SAMMSON: variants seen among roughly 807,000 people sequenced by gnomAD.
The protein encoded by SAMMSON is long intergenic non-protein coding RNA 1212.
At chr3:70,135,887 A>G (rs886679385) in intron 4 of SAMMSON, among the ~76,000 whole-genome samples, 1 of 150,198 alleles carries the variant, frequency 6.7e-6, no homozygotes, top group Non-Finnish European at 1.5e-5. Flanking sequence ...TCACTTGAGC[A>G]TGTGGCTTAT....
intron 7 of SAMMSON, among the ~76,000 whole-genome samples, chr3:70,353,069 ATATT>A (rs1702804542): frequency 6.6e-6 from 1 of 152,046 alleles, no homozygotes. Context: ...GTTTCACTTT[ATATT>A]TAAAATTTAT....
chr3:70,002,873 G>A (rs1235723739), intron 1 of SAMMSON, among the ~76,000 whole-genome samples: 1 of 152,074 alleles, frequency 6.6e-6, no homozygotes, highest in East Asian at 1.9e-4. Flanking sequence ...AATTGGGTTT[G>A]CTAGTTGTGT....
intron 4 of SAMMSON, among the ~76,000 whole-genome samples, chr3:70,232,557 G>A (rs1468334815): frequency 6.6e-6 from 1 of 151,836 alleles, no homozygotes; most frequent in African/African-American, 2.4e-5. Flanking sequence ...CCGCCACCAC[G>A]CCTGGCTATT....
chr3:70,185,002 G>A lies in SAMMSON; in HGVS notation n.508-64105G>A, dbSNP rs942194722. ...CTTTTTGATTAGGTGTAAACTTGACGTATCCTATTGATGTCTGGGTCTCCA... is the reference window on the plus strand; with the variant it reads ...CTTTTTGATTAGGTGTAAACTTGACATATCCTATTGATGTCTGGGTCTCCA... On this transcript the variant is annotated intron_variant and non_coding_transcript_variant, in intron 4 of 9. Coordinates refer to ENST00000642114, the Ensembl canonical transcript of SAMMSON. Among the ~76,000 whole-genome samples, 7 of 152,164 alleles carry A rather than the reference G, an allele frequency of 4.6e-5. No individual in the cohort carries two copies. In the East Asian group the frequency reaches 5.8e-4, roughly 13 times the overall value.
At chr3:70,337,049 T>A (rs1702667713) in intron 7 of SAMMSON, among the ~76,000 whole-genome samples, 1 of 78,418 alleles carries the variant, frequency 1.3e-5, no homozygotes, top group Admixed American at 1.2e-4. Context: ...TAACTTAATA[T>A]TATTATTATT....
chr3:70,376,630 A>G (rs1703018138), intron 9 of SAMMSON, among the ~76,000 whole-genome samples: 1 of 152,040 alleles, frequency 6.6e-6, no homozygotes, highest in Admixed American at 6.6e-5. Flanking sequence ...TAGGATTTCA[A>G]CTTCACGACC....
intron 2 of SAMMSON, among the ~76,000 whole-genome samples, chr3:70,419,487 G>A (rs1240123130): frequency 1.3e-5 from 2 of 152,080 alleles, no homozygotes; most frequent in Admixed American, 1.3e-4. Flanking sequence ...AGTCTTTGAG[G>A]TAAGTTCTGT....
intron 4 of SAMMSON, among the ~76,000 whole-genome samples, chr3:70,168,404 C>A (rs973282487): frequency 6.6e-6 from 1 of 151,962 alleles, no homozygotes; most frequent in African/African-American, 2.4e-5. Flanking sequence ...GGAAAATCAG[C>A]ACATGGAGCT....
chr3:70,347,972 G>A (rs1266130535), intron 7 of SAMMSON, among the ~76,000 whole-genome samples: 1 of 152,180 alleles, frequency 6.6e-6, no homozygotes, highest in Non-Finnish European at 1.5e-5. Flanking sequence ...GAACCCAGGA[G>A]GCGGAGGTTA....
rs1407187053 is a variant in SAMMSON at position 70,287,927 on chromosome 3, C to T, written n.675-3252C>T. ...ACATCCCCTTTATCATTTTTTATTG[C>T]GTCTATTTGATTCTTCTCTCTTTTT... On this transcript the variant is annotated intron_variant and non_coding_transcript_variant, in intron 6 of 9. Coordinates refer to ENST00000642114, the Ensembl canonical transcript of SAMMSON. Among the ~76,000 whole-genome samples, 52 of 152,130 alleles carry T rather than the reference C, an allele frequency of 3.4e-4. No individual in the cohort carries two copies. The East Asian group carries it at 4.1e-3, about 12-fold the overall frequency.
chr3:70,188,173 T>C (rs141950991), intron 4 of SAMMSON, among the ~76,000 whole-genome samples: 121 of 152,316 alleles, frequency 7.9e-4, no homozygotes, highest in Middle Eastern at 3.4e-3. Context: ...CTTTATTGTC[T>C]TTATAGTAAA....
intron 7 of SAMMSON, among the ~76,000 whole-genome samples, chr3:70,297,534 T>C (rs564160516): frequency 6.6e-6 from 1 of 152,250 alleles, no homozygotes; most frequent in South Asian, 2.1e-4. Flanking sequence ...GAAGGCTTAT[T>C]ATTGCATATG....
In SAMMSON at chr3:70,234,803, A is replaced by G. The variant is rs114252206; in HGVS notation, n.508-14304A>G. On this transcript the variant is annotated intron_variant and non_coding_transcript_variant, in intron 4 of 9. Transcript: ENST00000642114. The stretch of plus-strand genomic sequence containing the variant: ...TCCTTGCTTCGTTTTAAGCAAATTA[A>G]TTTTTTAATTGGTGCTGCTTAAGAT... 1.0e-2 allele frequency among the ~76,000 whole-genome samples: 1,519 copies of G among 152,146 alleles called. 15 individuals carry two copies. The highest frequency in any genetic ancestry group is 0.033 in the African/African-American group (1,385 of 41,478).
chr3:70,418,886 G>A (rs1375021012), intron 2 of SAMMSON, among the ~76,000 whole-genome samples: 1 of 148,426 alleles, frequency 6.7e-6, no homozygotes, highest in African/African-American at 2.5e-5. Context: ...AGGCTCTAAT[G>A]GAACTCAAAA....
At chr3:70,413,726 G>A (rs1701240943) in intron 2 of SAMMSON, among the ~76,000 whole-genome samples, 1 of 151,938 alleles carries the variant, frequency 6.6e-6, no homozygotes, top group Non-Finnish European at 1.5e-5. Context: ...TGTATAAATA[G>A]CATGTCAAAA....
At chr3:70,172,105 C>T (rs978679112) in intron 4 of SAMMSON, among the ~76,000 whole-genome samples, 5 of 151,868 alleles carry the variant, frequency 3.3e-5, no homozygotes, top group African/African-American at 1.2e-4. Context: ...ACTACATTTC[C>T]TATTACAGAG....
At chr3:70,085,386 C>T (rs945059506) in intron 4 of SAMMSON, among the ~76,000 whole-genome samples, 2 of 152,138 alleles carry the variant, frequency 1.3e-5, no homozygotes, top group Admixed American at 6.5e-5. Flanking sequence ...ATTTTATTGC[C>T]ACTCAGGACA....
At chr3:70,313,148 C>T (rs1277299369) in intron 7 of SAMMSON, among the ~76,000 whole-genome samples, 3 of 152,080 alleles carry the variant, frequency 2.0e-5, no homozygotes, top group Admixed American at 6.5e-5. Flanking sequence ...GATGATATGT[C>T]ATTAAATTCT....
chr3:70,027,660 T>C (rs754055953), intron 3 of SAMMSON, among the ~76,000 whole-genome samples: 6 of 152,232 alleles, frequency 3.9e-5, no homozygotes, highest in Non-Finnish European at 7.3e-5. Context: ...GGTGGATCTA[T>C]GCATTTATTC....
Sources: gnomAD v4.1 joint callset for allele counts (sites outside exome capture counted in the v4.1 genomes callset) on GRCh38, gnomAD v4.1.1 for gene constraint, MANE v1.5 for transcripts, NCBI Gene and HGNC (gene_info 2026-07-23, HGNC 2026-07-21) for gene names.